The following CEP112 variants were observed in gnomAD, a reference collection of about 807,000 sequenced individuals.
The protein encoded by CEP112 is centrosomal protein 112, also known as centrosomal protein of 112 kDa.
Under a neutral mutation model 153.0 loss-of-function variants are expected in CEP112, and 127 were observed. The ratio of observed to expected loss-of-function variants is 0.83; its 90% CI spans 0.72 to 0.96. The LOEUF (loss-of-function observed/expected upper bound fraction) is 0.96, where lower values mean the gene tolerates loss of function less well. CEP112 is among the 40% of genes least tolerant of loss of function. The pLI, the probability that CEP112 is intolerant of heterozygous loss-of-function variation, is 0.00. For synonymous variants in CEP112, 358 were observed against 374.4 expected (o/e 0.96, Z 0.51); for missense variants, 1,089 against 1,101.2 (o/e 0.99, Z 0.16).
At chr17:65,882,157 A>G (rs1598874029) in intron 20 of CEP112, among the ~76,000 whole-genome samples, 1 of 152,382 alleles carries the variant, frequency 6.6e-6, no homozygotes, top group Non-Finnish European at 1.5e-5. Flanking sequence ...CAGGGCATGC[A>G]CTACTGAAAA....
intron 23 of CEP112, among the ~76,000 whole-genome samples, chr17:65,689,517 T>C (rs568887923): frequency 2.0e-5 from 3 of 152,322 alleles, no homozygotes; most frequent in Non-Finnish European, 2.9e-5. Flanking sequence ...GCATATGTAA[T>C]AAAGCATAAC....
chr17:65,685,665 T>TA (rs1266116414), intron 24 of CEP112, among the ~76,000 whole-genome samples: 4 of 139,390 alleles, frequency 2.9e-5, no homozygotes, highest in Non-Finnish European at 4.6e-5. Context: ...ACAATAGTTC[T>TA]AATTTTTTTT....
chr17:65,856,945 T>A (rs1195038034), intron 20 of CEP112, among the ~76,000 whole-genome samples: 2 of 152,228 alleles, frequency 1.3e-5, no homozygotes, highest in African/African-American at 4.8e-5. Flanking sequence ...ACCCTTCCAG[T>A]ACAGGCATAT....
chr17:65,887,965 C>T (rs2059341320), intron 20 of CEP112, among the ~76,000 whole-genome samples: 1 of 152,112 alleles, frequency 6.6e-6, no homozygotes, highest in Admixed American at 6.5e-5. Flanking sequence ...TCTTTCTACC[C>T]CCTTGTTTGC....
chr17:65,808,528 G>A (rs552720357), intron 21 of CEP112, among the ~76,000 whole-genome samples: 119 of 152,250 alleles, frequency 7.8e-4, no homozygotes, highest in Admixed American at 1.4e-3. Flanking sequence ...TAATCCTCAC[G>A]TGTCAGGGGA....
intron 18 of CEP112, among the ~76,000 whole-genome samples, chr17:65,948,590 A>G (rs575611240): frequency 9.7e-6 from 1 of 103,488 alleles, no homozygotes; most frequent in East Asian, 8.6e-4. Context: ...ATATATATAT[A>G]TACATACATA....
At chr17:66,121,409 A>C (rs1296874828) in intron 6 of CEP112, among the ~76,000 whole-genome samples, 1 of 152,182 alleles carries the variant, frequency 6.6e-6, no homozygotes, top group East Asian at 1.9e-4. Flanking sequence ...TCAAACTAGA[A>C]ATTTTGCAGC....
At chr17:65,951,747 C>CA (rs1357559999) in intron 18 of CEP112, among the ~76,000 whole-genome samples, 4 of 118,230 alleles carry the variant, frequency 3.4e-5, no homozygotes, top group East Asian at 6.2e-4. Context: ...TCCCCCGCCC[C>CA]CCCCTTTCTT....
intron 20 of CEP112, among the ~76,000 whole-genome samples, chr17:65,855,479 G>A (rs944585370): frequency 2.0e-5 from 3 of 152,112 alleles, no homozygotes; most frequent in African/African-American, 4.8e-5. Context: ...GTAAATTCCC[G>A]ACCAGCAGGT....
At chr17:65,922,770 T>C (rs1195059017) in intron 19 of CEP112, among the ~76,000 whole-genome samples, 2 of 152,226 alleles carry the variant, frequency 1.3e-5, no homozygotes, top group Non-Finnish European at 2.9e-5. Context: ...TTATTTTTCT[T>C]AGTGCTTCTA....
intron 21 of CEP112, among the ~76,000 whole-genome samples, chr17:65,777,412 C>G (rs555497454): frequency 6.6e-6 from 1 of 152,282 alleles, no homozygotes; most frequent in South Asian, 2.1e-4. Flanking sequence ...TATTTCCTGA[C>G]CTTCTGTTCT....
At chr17:65,774,795 GAT>G (rs1162056487) in intron 21 of CEP112, among the ~76,000 whole-genome samples, 1 of 152,092 alleles carries the variant, frequency 6.6e-6, no homozygotes, top group Admixed American at 6.5e-5. Context: ...GCCAAATGGT[GAT>G]TCAAAACAGA....
chr17:65,843,908 T>C (rs2057619887), intron 21 of CEP112, among the ~76,000 whole-genome samples: 1 of 152,172 alleles, frequency 6.6e-6, no homozygotes, highest in South Asian at 2.1e-4. Flanking sequence ...GAAATTTAAA[T>C]AAAATGTTTG....
At chr17:65,782,394 A>G (rs1208348012) in intron 21 of CEP112, among the ~76,000 whole-genome samples, 1 of 152,196 alleles carries the variant, frequency 6.6e-6, no homozygotes, top group African/African-American at 2.4e-5. Flanking sequence ...GTTGGTGGGA[A>G]TGGAAAGTAA....
At chr17:65,982,637 A>G (rs755666848) in intron 17 of CEP112, among the ~76,000 whole-genome samples, 2 of 152,226 alleles carry the variant, frequency 1.3e-5, no homozygotes, top group Non-Finnish European at 2.9e-5. Context: ...CAACTGCCAG[A>G]GTATTATTTT....
intron 19 of CEP112, among the ~76,000 whole-genome samples, chr17:65,907,582 C>T (rs1342818943): frequency 6.6e-6 from 1 of 152,150 alleles, no homozygotes; most frequent in Non-Finnish European, 1.5e-5. Flanking sequence ...ATGTCATGAG[C>T]CCTTTCTGGT....
intron 4 of CEP112, among the ~76,000 whole-genome samples, chr17:66,174,418 G>A (rs1183403664): frequency 1.3e-5 from 2 of 152,138 alleles, no homozygotes; most frequent in Non-Finnish European, 2.9e-5. Context: ...ATTACCAAGA[G>A]AATGGTGAGG....
At chr17:66,025,844 G>A (rs1217151019) in intron 16 of CEP112, among the ~76,000 whole-genome samples, 1 of 150,564 alleles carries the variant, frequency 6.6e-6, no homozygotes, top group African/African-American at 2.4e-5. Context: ...GTTTCTCACA[G>A]CATGATTCAC....
At chr17:65,926,154 T>C (rs2060915890) in intron 19 of CEP112, among the ~76,000 whole-genome samples, 1 of 152,164 alleles carries the variant, frequency 6.6e-6, no homozygotes, top group Non-Finnish European at 1.5e-5. Flanking sequence ...GCAGGAACCT[T>C]TCTCCCCATA....
Sources: allele counts gnomAD v4.1 joint callset (sites outside exome capture counted in the v4.1 genomes callset), GRCh38; gene constraint gnomAD v4.1.1; transcripts MANE v1.5; gene names NCBI Gene and HGNC (gene_info 2026-07-23, HGNC 2026-07-21).